Variants in ZDHHC5 observed in about 807,000 individuals in gnomAD.
ZDHHC5 encodes the protein zDHHC palmitoyltransferase 5.
Under a neutral mutation model 70.0 loss-of-function variants are expected in ZDHHC5, and 22 were observed. The observed-to-expected ratio is 0.31, with a 90% CI of 0.22 to 0.45. ZDHHC5 has a LOEUF of 0.45. Among genes scored for constraint, ZDHHC5 ranks in the 20% least tolerant of loss-of-function variants. The probability of loss-of-function intolerance (pLI) is 1.00; values close to 1 mark genes in which losing one functional copy is unlikely to be tolerated. For synonymous variants in ZDHHC5, 313 were observed against 347.8 expected (o/e 0.90, Z 1.11); for missense variants, 746 against 926.9 (o/e 0.80, Z 2.53).
At chr11:57,699,803 G>A in intron 11 of ZDHHC5, 63 bp from the exon 12 acceptor site, 1 of 1,596,864 alleles carries the variant, frequency 6.3e-7, no homozygotes, top group Non-Finnish European at 8.6e-7. Context: ...CTTTGAAACT[G>A]TCTCCCTTTC....
At chr11:57,678,985 A>G (rs1946110711) in intron 2 of ZDHHC5, among the ~76,000 whole-genome samples, 1 of 152,204 alleles carries the variant, frequency 6.6e-6, no homozygotes, top group African/African-American at 2.4e-5. Context: ...ATAGAGAAGT[A>G]TTAATTGAGG....
intron 2 of ZDHHC5, among the ~76,000 whole-genome samples, chr11:57,680,170 G>C (rs1946131075): frequency 6.6e-6 from 1 of 152,114 alleles, no homozygotes; most frequent in African/African-American, 2.4e-5. Context: ...AAATCGCTTT[G>C]AGCTCAAGAG....
At chr11:57,685,289 T>G (rs1416368044) in intron 3 of ZDHHC5, among the ~76,000 whole-genome samples, 1 of 152,246 alleles carries the variant, frequency 6.6e-6, no homozygotes, top group East Asian at 1.9e-4. Context: ...GAGCCTTTAA[T>G]GTTCATTCAT....
rs1230290463 is a variant in ZDHHC5 at position 57,672,258 on chromosome 11, CAG to C, written c.-830_-829del. 2.5e-6 allele frequency: 1 copy of C among 398,450 alleles called. No homozygotes were observed. Among genetic ancestry groups the C allele is most frequent in the Non-Finnish European group, 4.4e-6 (1 of 226,056 alleles). The allele number at this position is 398,450 out of a possible 1,614,324, so 24.7% of individuals were successfully genotyped here. On this transcript the variant is annotated 5_prime_UTR_variant, in exon 2 of 12. The change abolishes the stop of an existing upstream ORF in the 5' untranslated region. Coordinates refer to ENST00000287169, the MANE Select transcript of ZDHHC5 (RefSeq NM_015457.3). Reference sequence around the variant, plus strand: ...AGTTTTACATGAACTTTGTAGGAAACAGAGCCCTTAAAGGGCTTGGGAATAAC... The same window carrying C: ...AGTTTTACATGAACTTTGTAGGAAACAGCCCTTAAAGGGCTTGGGAATAAC...
intron 8 of ZDHHC5, among the ~76,000 whole-genome samples, 184 bp downstream of exon 8, chr11:57,694,099 C>G (rs1946320214): frequency 6.7e-6 from 1 of 149,950 alleles, no homozygotes; most frequent in Non-Finnish European, 1.5e-5. Flanking sequence ...TCAAGCAATT[C>G]TCCTGCCTCA....
In ZDHHC5 at chr11:57,701,151, CCAA is replaced by C. The variant is rs991321061; in HGVS notation, c.*1122_*1124del. The C allele has an allele frequency of 1.9e-4, 29 of 152,626 alleles. No homozygotes were observed. The highest frequency in any genetic ancestry group is 6.5e-4 in the African/African-American group (27 of 41,528). The allele number at this position is 152,626 out of a possible 1,614,324, so 9.5% of individuals were successfully genotyped here. ...TTTTATTCTGATTAGCCATTTTAAA[CCAA>C]CGAGGAATAAAAAGAAATCCTGATC... On this transcript the variant is annotated 3_prime_UTR_variant, in exon 12 of 12. Transcript: ENST00000287169.
chr11:57,682,324 T>A, intron 2 of ZDHHC5, 98 bp from the exon 3 acceptor site: 8 of 1,443,516 alleles, frequency 5.5e-6, no homozygotes, highest in Non-Finnish European at 7.4e-6. Context: ...ACAAGATTTA[T>A]CTATAGGTAA....
chr11:57,676,842 T>A (rs1946077469), intron 2 of ZDHHC5, among the ~76,000 whole-genome samples: 1 of 151,768 alleles, frequency 6.6e-6, no homozygotes, highest in South Asian at 2.1e-4. Flanking sequence ...TTAGTCCAGT[T>A]AAGGTCTTAT....
At chr11:57,682,638 G>A in intron 3 of ZDHHC5, 95 bp downstream of exon 3, 1 of 1,412,008 alleles carries the variant, frequency 7.1e-7, no homozygotes, top group Non-Finnish European at 9.4e-7. Context: ...AAGAGTCCTG[G>A]GATTTTGGGA....
intron 1 of ZDHHC5, among the ~76,000 whole-genome samples, chr11:57,669,235 C>T (rs923281974): frequency 6.6e-6 from 1 of 152,188 alleles, no homozygotes; most frequent in African/African-American, 2.4e-5. Flanking sequence ...ATGGTACCTC[C>T]ATTACTGTGC....
At chr11:57,696,115 A>G in intron 9 of ZDHHC5, 72 bp downstream of exon 9, 1 of 1,538,200 alleles carries the variant, frequency 6.5e-7, no homozygotes, top group South Asian at 1.3e-5. Context: ...TGAGCTGTGG[A>G]AGACAGGCAA....
intron 8 of ZDHHC5, 30 bp from the exon 9 acceptor site, chr11:57,695,890 A>G (rs1303488095): frequency 6.2e-7 from 1 of 1,605,696 alleles, no homozygotes; most frequent in South Asian, 1.1e-5. Flanking sequence ...CAATTTCTAA[A>G]TCTGATTTTC....
chr11:57,694,735 G>T (rs538258942), intron 8 of ZDHHC5, among the ~76,000 whole-genome samples: 1 of 152,304 alleles, frequency 6.6e-6, no homozygotes, highest in Admixed American at 6.5e-5. Flanking sequence ...GGACTTAACA[G>T]CTTACAGCTA....
chr11:57,680,274 G>A (rs532990005), intron 2 of ZDHHC5, among the ~76,000 whole-genome samples: 4 of 152,308 alleles, frequency 2.6e-5, no homozygotes, highest in African/African-American at 7.2e-5. Context: ...CTACCCAGGA[G>A]GCTGGGGTGG....
chr11:57,678,924 A>G (rs1291040787), intron 2 of ZDHHC5, among the ~76,000 whole-genome samples: 2 of 152,212 alleles, frequency 1.3e-5, no homozygotes, highest in Non-Finnish European at 2.9e-5. Context: ...TGTACTATGT[A>G]GCTGAAGTAA....
chr11:57,678,024 A>G (rs1456728581), intron 2 of ZDHHC5, among the ~76,000 whole-genome samples: 1 of 152,222 alleles, frequency 6.6e-6, no homozygotes, highest in African/African-American at 2.4e-5. Context: ...GGATTTCTAA[A>G]TGAGGATCCC....
intron 8 of ZDHHC5, among the ~76,000 whole-genome samples, chr11:57,695,360 C>G (rs1446290677): frequency 6.6e-6 from 1 of 151,634 alleles, no homozygotes; most frequent in African/African-American, 2.4e-5. Flanking sequence ...CCAGAGGTTG[C>G]AATGAGCCGT....
intron 2 of ZDHHC5, among the ~76,000 whole-genome samples, chr11:57,680,287 G>A (rs1011580336): frequency 6.6e-6 from 1 of 152,144 alleles, no homozygotes; most frequent in Non-Finnish European, 1.5e-5. Flanking sequence ...TGGGGTGGGA[G>A]GATCACTGGA....
intron 2 of ZDHHC5, among the ~76,000 whole-genome samples, chr11:57,679,992 C>CT (rs1946128010): frequency 6.6e-6 from 1 of 152,138 alleles, no homozygotes; most frequent in Non-Finnish European, 1.5e-5. Flanking sequence ...GGATTACACA[C>CT]TTTATCTGGA....
Sources: gnomAD v4.1 joint callset for allele counts (sites outside exome capture counted in the v4.1 genomes callset) on GRCh38, gnomAD v4.1.1 for gene constraint, MANE v1.5 for transcripts, NCBI Gene and HGNC (gene_info 2026-07-23, HGNC 2026-07-21) for gene names.